Variants in ABLIM1 observed in about 807,000 individuals in gnomAD.
ABLIM1 encodes actin-binding LIM protein 1.
In ABLIM1, 40 loss-of-function variants were observed where a neutral mutation model predicts 107.0. The observed-to-expected ratio is 0.37, with a 90% CI of 0.29 to 0.49. The LOEUF (loss-of-function observed/expected upper bound fraction) is 0.49. Ranked by LOEUF, ABLIM1 falls within the 20% of genes least tolerant of loss-of-function variation. The pLI is 0.97. For synonymous variants in ABLIM1, 357 were observed against 357.3 expected (o/e 1.00, Z 0.01); for missense variants, 857 against 1,008.5 (o/e 0.85, Z 2.04).
chr10:114,745,298 C>T (rs988665641), intron 1 of ABLIM1, among the ~76,000 whole-genome samples: 14 of 152,200 alleles, frequency 9.2e-5, no homozygotes, highest in Admixed American at 2.0e-4. Flanking sequence ...CAGTGGCTCA[C>T]GCCTGTAATC....
rs1488751953 is a variant in ABLIM1 at position 114,571,299 on chromosome 10, C to T, written c.671G>A (p.Ser224Asn). Residue 224 changes from serine (S) to asparagine (N), a missense_variant and splice_region_variant, in exon 4 of 23, where the codon AGC (serine) becomes AAC (asparagine). Ser to Asn is a conservative substitution (Grantham distance 46). This residue lies in a region of ABLIM1 where 381 missense variants were observed against 506.9 expected (regional missense o/e 0.75). Transcript: ENST00000533213. ...SSSPKETTFS[S>N]NCAGCGRDIK... ...CAGTGGGTCACCGGGGCACTTACTG[C>T]TGGAGAAGGTGGTTTCTTTCGGACT... is the stretch of plus-strand genomic sequence containing the variant. 1 of 1,614,002 alleles carries T rather than the reference C, an allele frequency of 6.2e-7. No homozygotes were observed. Among genetic ancestry groups the T allele is most frequent in the East Asian group, 2.2e-5 (1 of 44,892 alleles).
the ABLIM1 span, among the ~76,000 whole-genome samples, chr10:114,793,036 C>T: frequency 1.3e-5 from 2 of 152,144 alleles, no homozygotes; most frequent in African/African-American, 4.8e-5. Context: ...CCTGTAATCC[C>T]AGCTACTCAG....
Position 114,619,544 on chromosome 10 carries a change from T to A in ABLIM1, c.245-17583A>T, listed in dbSNP as rs2077337649. On this transcript the variant is annotated intron_variant, in intron 1 of 22. Transcript: ENST00000533213. The surrounding 1 kb of genome is among the most constrained non-coding windows in gnomAD (Gnocchi z 4.1). ...AAAGCTCTTACACATCAAAAATGAATGCTATCCAGCATGTAATGCTCGACA... is the reference window on the plus strand; with the variant it reads ...AAAGCTCTTACACATCAAAAATGAAAGCTATCCAGCATGTAATGCTCGACA... 6.6e-6 allele frequency among the ~76,000 whole-genome samples: 1 copy of A among 152,176 alleles called. No homozygotes were observed.
intron 10 of ABLIM1, among the ~76,000 whole-genome samples, chr10:114,470,900 T>G (rs2133896928): frequency 6.6e-6 from 1 of 152,312 alleles, no homozygotes. Context: ...TTGTTTTGTT[T>G]TTGAGACAGG....
intron 14 of ABLIM1, chr10:114,449,998 T>C (rs2061597982): frequency 4.3e-6 from 1 of 235,078 alleles, no homozygotes; most frequent in Non-Finnish European, 9.2e-6. Flanking sequence ...TCCAATCTCC[T>C]TAAATTTTAA....
At chr10:114,731,338 C>T (rs1373654074) in intron 1 of ABLIM1, among the ~76,000 whole-genome samples, 4 of 151,990 alleles carry the variant, frequency 2.6e-5, no homozygotes, top group Non-Finnish European at 5.9e-5. Context: ...AACAGGGTTT[C>T]ACCATGTTGC....
intron 1 of ABLIM1, among the ~76,000 whole-genome samples, chr10:114,758,059 G>A (rs1337409994): frequency 6.6e-6 from 1 of 152,092 alleles, no homozygotes; most frequent in Non-Finnish European, 1.5e-5. Context: ...CTGCTGAAAT[G>A]TCGCTTTATC....
intron 6 of ABLIM1, among the ~76,000 whole-genome samples, chr10:114,543,657 T>C (rs1215659741): frequency 6.6e-6 from 1 of 152,210 alleles, no homozygotes; most frequent in Non-Finnish European, 1.5e-5. Flanking sequence ...TCTAATCACA[T>C]GACACTCCAG....
chr10:114,543,710 C>T lies in ABLIM1; in HGVS notation c.894+1295G>A, dbSNP rs569812842. ...GCTTCCTACCGCTTTTAGGGTAACACCCAAACTCCAGAATATGACTCTTGG... is the reference window on the plus strand; with the variant it reads ...GCTTCCTACCGCTTTTAGGGTAACATCCAAACTCCAGAATATGACTCTTGG... On this transcript the variant is annotated intron_variant, in intron 6 of 22. Transcript: ENST00000533213. 2.6e-5 allele frequency among the ~76,000 whole-genome samples: 4 copies of T among 152,348 alleles called. No individual in the cohort carries two copies. The East Asian group carries it at 5.8e-4, about 22-fold the overall frequency.
intron 1 of ABLIM1, among the ~76,000 whole-genome samples, chr10:114,718,803 C>T (rs192305731): frequency 6.6e-6 from 1 of 152,302 alleles, no homozygotes; most frequent in East Asian, 1.9e-4. Context: ...AATTCCACAA[C>T]AACAACAAAA....
chr10:114,535,914 T>G (rs1399756815), intron 6 of ABLIM1, among the ~76,000 whole-genome samples: 1 of 152,172 alleles, frequency 6.6e-6, no homozygotes, highest in Non-Finnish European at 1.5e-5. Context: ...TCCTCAGGAC[T>G]GACTTTGGGA....
At chr10:114,722,243 T>C (rs187329220) in intron 1 of ABLIM1, among the ~76,000 whole-genome samples, 1 of 152,248 alleles carries the variant, frequency 6.6e-6, no homozygotes, top group East Asian at 1.9e-4. Context: ...TCAGGAAACT[T>C]ACAATTATGG....
intron 2 of ABLIM1, among the ~76,000 whole-genome samples, chr10:114,593,374 C>T (rs1012728447): frequency 6.6e-6 from 1 of 152,144 alleles, no homozygotes; most frequent in Non-Finnish European, 1.5e-5. Context: ...AGACATGAAA[C>T]TCCTGGATCA....
upstream of ABLIM1, among the ~76,000 whole-genome samples, chr10:114,769,685 T>G (rs113540414): frequency 4.7e-3 from 711 of 152,184 alleles, 9 homozygotes; most frequent in African/African-American, 0.016. Context: ...AATTCAGAAA[T>G]ATTAAAAAAT....
At chr10:114,571,649 G>A (rs1022319020) in intron 3 of ABLIM1, among the ~76,000 whole-genome samples, 23 of 152,178 alleles carry the variant, frequency 1.5e-4, no homozygotes, top group African/African-American at 4.8e-4. Context: ...AAAATGGAAT[G>A]ATTTACCTCC....
intron 2 of ABLIM1, among the ~76,000 whole-genome samples, chr10:114,584,377 A>C (rs1275402643): frequency 6.6e-6 from 1 of 152,188 alleles, no homozygotes; most frequent in Non-Finnish European, 1.5e-5. Context: ...CTATTCATCA[A>C]ACCCTATCTT....
intron 4 of ABLIM1, among the ~76,000 whole-genome samples, chr10:114,557,937 C>G (rs2069012598): frequency 6.6e-6 from 1 of 151,654 alleles, no homozygotes; most frequent in Non-Finnish European, 1.5e-5. Context: ...TTCCTTACCC[C>G]CTCCTTAGTT....
chr10:114,639,802 G>C (rs768307678), intron 1 of ABLIM1, among the ~76,000 whole-genome samples: 62 of 152,236 alleles, frequency 4.1e-4, no homozygotes, highest in Non-Finnish European at 8.5e-4. Context: ...CATGTGAACA[G>C]ATGAGATGCG....
chr10:114,581,041 A>T (rs1295374724), intron 2 of ABLIM1, among the ~76,000 whole-genome samples: 1 of 152,208 alleles, frequency 6.6e-6, no homozygotes, highest in Non-Finnish European at 1.5e-5. Flanking sequence ...CTGGCTATAA[A>T]AAGTCCTGTG....
Sources: gnomAD v4.1 joint callset for allele counts (sites outside exome capture counted in the v4.1 genomes callset) on GRCh38, gnomAD v4.1.1 for gene constraint, gnomAD v4.1.1 regional missense constraint, Gnocchi (gnomAD v3.1) non-coding constraint, MANE v1.5 for transcripts, NCBI Gene and HGNC (gene_info 2026-07-23, HGNC 2026-07-21) for gene names.